The following CTNNA2 variants were observed in gnomAD, a reference collection of about 807,000 sequenced individuals.
The protein encoded by CTNNA2 is catenin alpha 2.
A neutral mutation model predicts 101.0 loss-of-function variants in CTNNA2; 42 were observed. That is an observed-to-expected ratio of 0.42 (90% CI 0.32 to 0.54). The LOEUF (loss-of-function observed/expected upper bound fraction) is 0.54. Among genes scored for constraint, CTNNA2 ranks in the 20% least tolerant of loss-of-function variants. CTNNA2 has a pLI of 0.14. For missense variants in CTNNA2, 871 were observed against 1,223.1 expected (o/e 0.71, Z 4.29); for synonymous variants, 450 against 456.4 (o/e 0.99, Z 0.18).
At chr2:80,380,919 G>A (rs941383072) in intron 7 of CTNNA2, among the ~76,000 whole-genome samples, 1 of 152,162 alleles carries the variant, frequency 6.6e-6, no homozygotes, top group African/African-American at 2.4e-5. Flanking sequence ...TATTTGGGAC[G>A]ATGTGAGACA....
intron 7 of CTNNA2, among the ~76,000 whole-genome samples, chr2:79,966,765 T>G (rs1300125316): frequency 2.0e-5 from 3 of 152,228 alleles, no homozygotes; most frequent in African/African-American, 7.2e-5. Flanking sequence ...TTTACGACTT[T>G]TAGCAACATT....
At chr2:79,966,559 C>T (rs567173132) in intron 7 of CTNNA2, among the ~76,000 whole-genome samples, 36 of 152,200 alleles carry the variant, frequency 2.4e-4, no homozygotes, top group Non-Finnish European at 5.1e-4. Context: ...TTTACACCTA[C>T]GTCATTAACC....
intron 2 of CTNNA2, among the ~76,000 whole-genome samples, chr2:79,199,867 T>C (rs1674009813): frequency 6.6e-6 from 1 of 152,194 alleles, no homozygotes. Context: ...TTTTTAGTTG[T>C]TCTTAAAAGA....
At position 79,797,553 on chromosome 2, in the gene CTNNA2, C is replaced by T. The variant is rs142409777; in HGVS notation, c.298+52971C>T. On this transcript the variant is annotated intron_variant, in intron 3 of 18. Transcript: ENST00000402739. Reference sequence around the variant, plus strand: ...TGCACACCTGTTGTCCCAGCTTACTCAGGAGGCTGAGGCAGGAGAACTGCT... The same window carrying T: ...TGCACACCTGTTGTCCCAGCTTACTTAGGAGGCTGAGGCAGGAGAACTGCT... 1.7e-3 allele frequency among the ~76,000 whole-genome samples: 254 copies of T among 151,026 alleles called. 2 individuals carry two copies. Among genetic ancestry groups the T allele is most frequent in the South Asian group, 2.9e-3 (14 of 4,768 alleles).
intron 9 of CTNNA2, among the ~76,000 whole-genome samples, chr2:80,465,232 A>G (rs1684754731): frequency 6.6e-6 from 1 of 152,180 alleles, no homozygotes; most frequent in South Asian, 2.1e-4. Flanking sequence ...AACACATGAT[A>G]GGCTCCATGA....
chr2:79,415,359 C>G lies in CTNNA2; in HGVS notation c.-135+41346C>G, dbSNP rs113218632. Among the ~76,000 whole-genome samples, 168 of 152,268 alleles carry G rather than the reference C, an allele frequency of 1.1e-3. 1 individual carries two copies. The highest frequency in any genetic ancestry group is 3.4e-3 in the African/African-American group (140 of 41,568). Reference sequence around the variant, plus strand: ...AAGAGCAGATGCCAGTGCAGTGCTTCCTGTACAGCCTGAAGAATGATGAGC... The same window carrying G: ...AAGAGCAGATGCCAGTGCAGTGCTTGCTGTACAGCCTGAAGAATGATGAGC... On this transcript the variant is annotated intron_variant, in intron 4 of 21. Transcript: ENST00000466387.
chr2:79,367,977 A>T (rs1573127565), intron 3 of CTNNA2, among the ~76,000 whole-genome samples: 1 of 152,194 alleles, frequency 6.6e-6, no homozygotes, highest in South Asian at 2.1e-4. Flanking sequence ...GATGAAATGC[A>T]ATACTCCATG....
chr2:79,523,394 G>C, intron 1 of CTNNA2: 1 of 225,458 alleles, frequency 4.4e-6, no homozygotes, highest in Non-Finnish European at 8.9e-6. Context: ...TTTACATATA[G>C]TTTAAAGATA....
At chr2:80,454,625 A>G (rs1230537169) in intron 9 of CTNNA2, among the ~76,000 whole-genome samples, 1 of 152,236 alleles carries the variant, frequency 6.6e-6, no homozygotes, top group Admixed American at 6.5e-5. Flanking sequence ...AAGGAGATGG[A>G]TGAGCAGAAC....
At chr2:79,198,900 A>G (rs1469426107) in intron 2 of CTNNA2, among the ~76,000 whole-genome samples, 1 of 152,210 alleles carries the variant, frequency 6.6e-6, no homozygotes, top group Non-Finnish European at 1.5e-5. Flanking sequence ...TAACTTATTC[A>G]TGAGGAAACT....
At chr2:80,635,742 C>A (rs1672804490) in intron 18 of CTNNA2, among the ~76,000 whole-genome samples, 1 of 151,974 alleles carries the variant, frequency 6.6e-6, no homozygotes, top group African/African-American at 2.4e-5. Flanking sequence ...ATGATGATTG[C>A]TAACTCTCAT....
At chr2:80,548,350 C>A (rs185773373) in intron 11 of CTNNA2, among the ~76,000 whole-genome samples, 48 of 152,244 alleles carry the variant, frequency 3.2e-4, no homozygotes, top group African/African-American at 7.9e-4. Flanking sequence ...TTAGAACTTA[C>A]AACTTTTCCA....
At chr2:79,402,641 CTG>C (rs1678302337) in intron 4 of CTNNA2, among the ~76,000 whole-genome samples, 1 of 151,742 alleles carries the variant, frequency 6.6e-6, no homozygotes, top group South Asian at 2.1e-4. Flanking sequence ...TCATAGGTAA[CTG>C]AAACTTCAGA....
chr2:80,118,959 A>G (rs1701680003), intron 7 of CTNNA2, among the ~76,000 whole-genome samples: 1 of 152,218 alleles, frequency 6.6e-6, no homozygotes, highest in African/African-American at 2.4e-5. Flanking sequence ...TTCTCAGGGT[A>G]TATCAAAGGT....
chr2:79,208,292 T>C (rs1674126665), intron 2 of CTNNA2, among the ~76,000 whole-genome samples: 1 of 152,170 alleles, frequency 6.6e-6, no homozygotes, highest in Non-Finnish European at 1.5e-5. Flanking sequence ...ATGAGTAATA[T>C]TTAGATTTTT....
chr2:79,406,360 A>G (rs1249500993), intron 4 of CTNNA2, among the ~76,000 whole-genome samples: 1 of 152,086 alleles, frequency 6.6e-6, no homozygotes, highest in East Asian at 1.9e-4. Context: ...ATGCAGGGCA[A>G]CTTGGTTTGA....
intron 7 of CTNNA2, among the ~76,000 whole-genome samples, chr2:80,256,866 G>A (rs1170495509): frequency 1.3e-5 from 2 of 152,170 alleles, no homozygotes; most frequent in Non-Finnish European, 2.9e-5. Context: ...GCAACTGAAT[G>A]AATAACACCA....
At chr2:80,625,633 T>A (rs1671604368) in intron 18 of CTNNA2, among the ~76,000 whole-genome samples, 1 of 152,132 alleles carries the variant, frequency 6.6e-6, no homozygotes, top group Non-Finnish European at 1.5e-5. Flanking sequence ...TTTTTTTCCC[T>A]GGTTCCCTGC....
chr2:79,676,003 C>G (rs1284598408), intron 2 of CTNNA2, among the ~76,000 whole-genome samples: 1 of 152,026 alleles, frequency 6.6e-6, no homozygotes, highest in Non-Finnish European at 1.5e-5. Flanking sequence ...GCTGTCTCAC[C>G]CTCAGGGTCA....
Sources: gnomAD v4.1 joint callset for allele counts (sites outside exome capture counted in the v4.1 genomes callset) on GRCh38, gnomAD v4.1.1 for gene constraint, MANE v1.5 for transcripts, NCBI Gene and HGNC (gene_info 2026-07-23, HGNC 2026-07-21) for gene names.